Variants in ANKRD10 observed in about 807,000 individuals in gnomAD.
ANKRD10 encodes ankyrin repeat domain 10.
Under a neutral mutation model 27.0 loss-of-function variants are expected in ANKRD10, and 14 were observed. That is an observed-to-expected ratio of 0.52 (90% CI 0.34 to 0.81). ANKRD10 has a LOEUF of 0.81. Ranked by LOEUF, ANKRD10 falls within the 40% of genes least tolerant of loss-of-function variation. ANKRD10 has a pLI of 0.01. For synonymous variants in ANKRD10, 250 were observed against 224.5 expected, an observed-to-expected ratio of 1.11 and a Z score of -1.01; for missense variants, 493 against 544.0, an observed-to-expected ratio of 0.91 and a Z score of 0.93.
In ANKRD10 at chr13:110,914,839, G is replaced by A; in HGVS notation, c.96C>T (p.Asp32=). 3 of 1,575,684 alleles carry A rather than the reference G, an allele frequency of 1.9e-6. No homozygotes were observed. Among genetic ancestry groups the A allele is most frequent in the East Asian group, 2.4e-5 (1 of 42,394 alleles). ...GCGAGCAGAGCGTGGCCAGGTCCCC[G>A]TCGCGGCAGGCGCGGTGCAGCGGGA... The part of the protein sequence containing the change: ...LRFPLHRACR[D]GDLATLCSLL... Residue 32 remains aspartate (D), a synonymous_variant, in exon 1 of 6, where the codon GAC becomes GAT. Transcript: ENST00000267339.
chr13:110,890,347 G>T (rs139746176), intron 4 of ANKRD10, among the ~76,000 whole-genome samples: 1 of 151,986 alleles, frequency 6.6e-6, no homozygotes, highest in Admixed American at 6.6e-5. Context: ...CTCTCAGTAT[G>T]TAATGGTAAA....
At chr13:110,884,721 A>C (rs557561909) in intron 4 of ANKRD10, among the ~76,000 whole-genome samples, 26 of 152,358 alleles carry the variant, frequency 1.7e-4, no homozygotes, top group African/African-American at 6.0e-4. Context: ...CACAATTAAC[A>C]TACTCATAAA....
At chr13:110,891,538 T>C (rs1009828642) in intron 4 of ANKRD10, among the ~76,000 whole-genome samples, 1 of 152,212 alleles carries the variant, frequency 6.6e-6, no homozygotes, top group African/African-American at 2.4e-5. Context: ...TGACAAGATA[T>C]AGTTGTGAAG....
Position 110,880,119 on chromosome 13 carries a change from TAAGA to T in ANKRD10, c.788-11_788-8del. 1.2e-6 allele frequency: 2 copies of T among 1,607,418 alleles called. No individual in the cohort carries two copies. The highest frequency in any genetic ancestry group is 1.7e-6 in the Non-Finnish European group (2 of 1,175,290). On this transcript the variant is annotated splice_region_variant and splice_polypyrimidine_tract_variant and intron_variant, in intron 5 of 5. Transcript: ENST00000267339. ...GAGCTACTGTTTTTCATATCTGCATTAAGAAATACACCTGTCACCAAAATTCAGA... is the reference window on the plus strand; with the variant it reads ...GAGCTACTGTTTTTCATATCTGCATTAATACACCTGTCACCAAAATTCAGA...
At chr13:110,882,123 C>G (rs891310221) in intron 5 of ANKRD10, among the ~76,000 whole-genome samples, 18 of 152,176 alleles carry the variant, frequency 1.2e-4, no homozygotes, top group Non-Finnish European at 2.6e-4. Context: ...CCCTCCTATC[C>G]GAGCCCTTTC....
intron 1 of ANKRD10, among the ~76,000 whole-genome samples, chr13:110,914,220 G>GT (rs1243738302): frequency 6.6e-6 from 1 of 152,176 alleles, no homozygotes; most frequent in East Asian, 1.9e-4. Flanking sequence ...TGGCGAGGCT[G>GT]TGCGGAACCA....
At chr13:110,884,934 A>G (rs914511980) in intron 4 of ANKRD10, among the ~76,000 whole-genome samples, 46 of 152,234 alleles carry the variant, frequency 3.0e-4, no homozygotes, top group African/African-American at 1.0e-3. Flanking sequence ...TGTATATATG[A>G]TATCTGGATT....
At chr13:110,894,368 G>C in intron 3 of ANKRD10, 3 of 130,692 alleles carry the variant, frequency 2.3e-5, no homozygotes, top group Non-Finnish European at 2.8e-5. Context: ...AACCACTCCA[G>C]AACCCTGATG....
chr13:110,891,162 T>G (rs923288694), intron 4 of ANKRD10, among the ~76,000 whole-genome samples: 52 of 152,296 alleles, frequency 3.4e-4, no homozygotes, highest in African/African-American at 1.1e-3. Flanking sequence ...CAAGGACATT[T>G]AGACTATACA....
At chr13:110,880,177 G>A in intron 5 of ANKRD10, 65 bp from the exon 6 acceptor site, 2 of 1,310,002 alleles carry the variant, frequency 1.5e-6, no homozygotes, top group East Asian at 2.4e-5. Flanking sequence ...ACTATAAAAT[G>A]CTTCACTGCC....
intron 4 of ANKRD10, among the ~76,000 whole-genome samples, chr13:110,892,277 C>T (rs540798508): frequency 2.2e-4 from 33 of 150,190 alleles, no homozygotes; most frequent in African/African-American, 8.1e-4. Context: ...ACTAAAAATA[C>T]AAATTAGCCC....
chr13:110,880,202 G>C, intron 5 of ANKRD10, 90 bp from the exon 6 acceptor site: 1 of 1,127,404 alleles, frequency 8.9e-7, no homozygotes, highest in Non-Finnish European at 1.2e-6. Flanking sequence ...CAATTTTAAA[G>C]AATTTTAGTT....
At chr13:110,897,423 T>C (rs916939006) in intron 3 of ANKRD10, among the ~76,000 whole-genome samples, 11 of 151,944 alleles carry the variant, frequency 7.2e-5, no homozygotes, top group African/African-American at 2.4e-4. Flanking sequence ...TCTCTACTTC[T>C]ATGAGATCTT....
chr13:110,901,972 G>C (rs747385892), intron 3 of ANKRD10, among the ~76,000 whole-genome samples: 16 of 145,598 alleles, frequency 1.1e-4, no homozygotes, highest in Non-Finnish European at 2.4e-4. Flanking sequence ...GAGCCCAGGA[G>C]TTTGAAGTTG....
chr13:110,912,470 G>C (rs1472368146), intron 1 of ANKRD10, among the ~76,000 whole-genome samples: 1 of 152,212 alleles, frequency 6.6e-6, no homozygotes, highest in Non-Finnish European at 1.5e-5. Flanking sequence ...GCGATAAGAT[G>C]AACAGGTTGC....
At chr13:110,890,582 T>C (rs1159203811) in intron 4 of ANKRD10, among the ~76,000 whole-genome samples, 1 of 152,228 alleles carries the variant, frequency 6.6e-6, no homozygotes, top group Non-Finnish European at 1.5e-5. Flanking sequence ...AAACCAAGGA[T>C]GAGCAGCTTT....
At chr13:110,907,939 C>T (rs1011779145) in intron 2 of ANKRD10, among the ~76,000 whole-genome samples, 4 of 151,886 alleles carry the variant, frequency 2.6e-5, no homozygotes, top group African/African-American at 9.7e-5. Context: ...GGGTCTGTCA[C>T]GGTGGGATAT....
intron 2 of ANKRD10, among the ~76,000 whole-genome samples, chr13:110,908,444 G>T (rs2138885935): frequency 6.6e-6 from 1 of 152,208 alleles, no homozygotes; most frequent in Middle Eastern, 3.4e-3. Flanking sequence ...CTCAGAGACT[G>T]CCAAAAAAGT....
intron 5 of ANKRD10, among the ~76,000 whole-genome samples, chr13:110,882,456 G>A (rs1418060805): frequency 6.6e-6 from 1 of 152,228 alleles, no homozygotes. Flanking sequence ...AACACAGGGT[G>A]TATGGACTCG....
Sources: allele counts gnomAD v4.1 joint callset (sites outside exome capture counted in the v4.1 genomes callset), GRCh38; gene constraint gnomAD v4.1.1; transcripts MANE v1.5; gene names NCBI Gene and HGNC (gene_info 2026-07-23, HGNC 2026-07-21).